The following ASTN1 variants were observed in gnomAD, a reference collection of about 807,000 sequenced individuals.
ASTN1 encodes astrotactin 1.
A neutral mutation model predicts 140.7 loss-of-function variants in ASTN1; 41 were observed. The observed-to-expected ratio is 0.29, with a 90% confidence interval of 0.23 to 0.38. The LOEUF (loss-of-function observed/expected upper bound fraction) is 0.38, where lower values mean the gene tolerates loss of function less well. Ranked by LOEUF, ASTN1 falls within the 10% of genes least tolerant of loss-of-function variation. ASTN1 has a pLI of 1.00. For synonymous variants in ASTN1, 640 were observed against 652.2 expected, an observed-to-expected ratio of 0.98 and a Z score of 0.29; for missense variants, 1,479 against 1,678.8, an observed-to-expected ratio of 0.88 and a Z score of 2.08.
intron 1 of ASTN1, among the ~76,000 whole-genome samples, chr1:177,103,686 T>G (rs1680408135): frequency 6.6e-6 from 1 of 152,066 alleles, no homozygotes; most frequent in Non-Finnish European, 1.5e-5. Context: ...CAAGCAGAAG[T>G]GAATAATAAC....
intron 1 of ASTN1, among the ~76,000 whole-genome samples, chr1:177,140,271 C>G (rs1174102421): frequency 6.6e-6 from 1 of 152,166 alleles, no homozygotes; most frequent in East Asian, 1.9e-4. Context: ...AATCTTTTAA[C>G]TATCTTTCTT....
chr1:176,878,747 G>T (rs1057492691), intron 20 of ASTN1, among the ~76,000 whole-genome samples: 11 of 151,892 alleles, frequency 7.2e-5, no homozygotes, highest in Non-Finnish European at 1.5e-5. Flanking sequence ...GCGCCCAAAG[G>T]TACCACTCTG....
intron 2 of ASTN1, among the ~76,000 whole-genome samples, chr1:177,049,032 C>T (rs1677392598): frequency 6.6e-6 from 1 of 152,196 alleles, no homozygotes; most frequent in South Asian, 2.1e-4. Context: ...GCCCATAGAC[C>T]ATCACCTCAT....
intron 8 of ASTN1, among the ~76,000 whole-genome samples, chr1:176,971,125 AG>A (rs1347485984): frequency 6.6e-6 from 1 of 152,232 alleles, no homozygotes. Context: ...AATTGCAAGA[AG>A]GGTGTAGTGA....
At chr1:177,088,640 A>T (rs1302014298) in intron 1 of ASTN1, among the ~76,000 whole-genome samples, 1 of 152,192 alleles carries the variant, frequency 6.6e-6, no homozygotes, top group Non-Finnish European at 1.5e-5. Context: ...TTTAAAAATT[A>T]TATTAAATAT....
chr1:177,150,435 G>A (rs1462534726), intron 1 of ASTN1, among the ~76,000 whole-genome samples: 1 of 152,110 alleles, frequency 6.6e-6, no homozygotes, highest in African/African-American at 2.4e-5. Context: ...ACTGGTAGAT[G>A]CTGTATAATG....
intron 1 of ASTN1, among the ~76,000 whole-genome samples, chr1:177,150,286 A>C (rs140817270): frequency 3.9e-5 from 6 of 152,176 alleles, no homozygotes; most frequent in African/African-American, 1.4e-4. Flanking sequence ...TTCAGGACCA[A>C]ATGTAGACTA....
intron 16 of ASTN1, among the ~76,000 whole-genome samples, chr1:176,920,955 A>G (rs1285032068): frequency 6.6e-6 from 1 of 152,238 alleles, no homozygotes; most frequent in Non-Finnish European, 1.5e-5. Context: ...ATATGTCAAC[A>G]ATAAAGACAA....
Position 177,035,441 on chromosome 1 carries a change from G to C in ASTN1, c.472-2592C>G, listed in dbSNP as rs149442458. 9.8e-3 allele frequency among the ~76,000 whole-genome samples: 1,495 copies of C among 152,294 alleles called. 25 individuals are homozygous for C. Among genetic ancestry groups the C allele is most frequent in the African/African-American group, 0.032 (1,349 of 41,566 alleles). ...TACTCAAATTTCAAATATTCAAAAT[G>C]CACATCTAGCTGACAGTGGGTCAAA... On this transcript the variant is annotated intron_variant, in intron 2 of 22. Transcript: ENST00000361833.
intron 17 of ASTN1, among the ~76,000 whole-genome samples, chr1:176,891,460 A>G (rs1669263027): frequency 6.6e-6 from 1 of 152,196 alleles, no homozygotes; most frequent in Non-Finnish European, 1.5e-5. Context: ...GGAAACAACT[A>G]TGTCAACAGC....
chr1:177,089,965 A>C (rs956206697), intron 1 of ASTN1, among the ~76,000 whole-genome samples: 2 of 152,072 alleles, frequency 1.3e-5, no homozygotes, highest in Non-Finnish European at 2.9e-5. Context: ...CAATATGTTA[A>C]TCTGGCCTTA....
intron 5 of ASTN1, among the ~76,000 whole-genome samples, chr1:177,028,526 G>A (rs1015264938): frequency 2.0e-5 from 3 of 152,204 alleles, no homozygotes; most frequent in Non-Finnish European, 4.4e-5. Context: ...TTCAAGTGGA[G>A]GTACGAGAGA....
intron 1 of ASTN1, among the ~76,000 whole-genome samples, chr1:177,132,322 C>G (rs1681978602): frequency 6.6e-6 from 1 of 152,196 alleles, no homozygotes; most frequent in Admixed American, 6.5e-5. Context: ...TTACCAGTTA[C>G]TATCTTCAAT....
At chr1:176,992,354 GTC>G (rs1674221863) in intron 8 of ASTN1, among the ~76,000 whole-genome samples, 1 of 151,890 alleles carries the variant, frequency 6.6e-6, no homozygotes, top group African/African-American at 2.4e-5. Flanking sequence ...GTTAATTCAA[GTC>G]TGGAGGAGAT....
At chr1:177,067,030 G>T (rs1438393319) in intron 1 of ASTN1, among the ~76,000 whole-genome samples, 1 of 152,042 alleles carries the variant, frequency 6.6e-6, no homozygotes, top group Non-Finnish European at 1.5e-5. Flanking sequence ...ACTGTTAAAA[G>T]ACTTTGCTTA....
At chr1:176,883,742 A>G (rs541990182) in intron 19 of ASTN1, among the ~76,000 whole-genome samples, 16 of 152,270 alleles carry the variant, frequency 1.1e-4, no homozygotes, top group Non-Finnish European at 1.8e-4. Context: ...TCCCATGCAT[A>G]AGTTTTTGGG....
chr1:177,003,487 T>C lies in ASTN1; in HGVS notation c.1523+11304A>G, dbSNP rs193055743. Among the ~76,000 whole-genome samples the C allele has an allele frequency of 1.9e-3, 286 of 152,120 alleles. 3 individuals are homozygous for C. Among genetic ancestry groups the C allele is most frequent in the African/African-American group, 6.3e-3 (260 of 41,500 alleles). ...GAAGAAAATAGGCATAGAAGAAACA[T>C]AGCTCAAAATAATAAAAGCCATATA... is the stretch of plus-strand genomic sequence containing the variant. On this transcript the variant is annotated intron_variant, in intron 8 of 22. Coordinates refer to ENST00000361833, the MANE Select transcript of ASTN1 (RefSeq NM_004319.3).
chr1:177,086,659 A>C (rs191985448), intron 1 of ASTN1, among the ~76,000 whole-genome samples: 129 of 152,344 alleles, frequency 8.5e-4, no homozygotes, highest in African/African-American at 2.9e-3. Context: ...TTTTTAAAAA[A>C]CTTTTTTAAA....
chr1:177,033,365 G>A (rs768961145), intron 2 of ASTN1, among the ~76,000 whole-genome samples: 12 of 152,058 alleles, frequency 7.9e-5, no homozygotes, highest in Non-Finnish European at 1.5e-4. Context: ...CCTCGGATAC[G>A]TCATCTGTAT....
Sources: gnomAD v4.1 joint callset for allele counts (sites outside exome capture counted in the v4.1 genomes callset) on GRCh38, gnomAD v4.1.1 for gene constraint, MANE v1.5 for transcripts, NCBI Gene and HGNC (gene_info 2026-07-23, HGNC 2026-07-21) for gene names.